Variants in PSD2 observed in about 807,000 individuals in gnomAD.
PSD2 encodes PH and SEC7 domain-containing protein 2.
Under a neutral mutation model 69.8 loss-of-function variants are expected in PSD2, and 38 were observed. That is an observed-to-expected ratio of 0.54 (90% CI 0.42 to 0.71). PSD2 has a LOEUF of 0.71. Ranked by LOEUF, PSD2 falls within the 30% of genes least tolerant of loss-of-function variation. PSD2 has a pLI of 0.00. For missense variants in PSD2, 943 were observed against 1,014.5 expected (o/e 0.93, Z 0.96); for synonymous variants, 412 against 423.0 (o/e 0.97, Z 0.32).
chr5:139,807,241 C>G (rs925766917), intron 1 of PSD2, among the ~76,000 whole-genome samples: 2 of 152,210 alleles, frequency 1.3e-5, no homozygotes, highest in African/African-American at 4.8e-5. Context: ...GGTTGAAACC[C>G]TGTGCCCCAG....
At chr5:139,812,958 C>T (rs1760009153) in intron 2 of PSD2, among the ~76,000 whole-genome samples, 1 of 152,150 alleles carries the variant, frequency 6.6e-6, no homozygotes, top group South Asian at 2.1e-4. Flanking sequence ...GTTCCATGGC[C>T]ATAAGAGTGT....
intron 13 of PSD2, among the ~76,000 whole-genome samples, 199 bp downstream of exon 13, chr5:139,838,971 G>A (rs982063075): frequency 6.6e-6 from 1 of 152,162 alleles, no homozygotes; most frequent in Non-Finnish European, 1.5e-5. Context: ...GCACACAGGG[G>A]CCACAGCTGT....
At chr5:139,821,469 G>A (rs142030997) in intron 5 of PSD2, among the ~76,000 whole-genome samples, 1 of 152,294 alleles carries the variant, frequency 6.6e-6, no homozygotes, top group East Asian at 1.9e-4. Flanking sequence ...TGGGCCTGGG[G>A]CTCAGCTGGT....
At chr5:139,793,727 A>G (rs1322993262), upstream of PSD2, among the ~76,000 whole-genome samples, 1 of 152,340 alleles carries the variant, frequency 6.6e-6, no homozygotes, top group East Asian at 1.9e-4. Flanking sequence ...GTGGACAACA[A>G]TTAAATAGTG....
At chr5:139,812,721 C>T (rs574047642) in intron 2 of PSD2, among the ~76,000 whole-genome samples, 213 of 152,236 alleles carry the variant, frequency 1.4e-3, no homozygotes, top group Non-Finnish European at 2.4e-3. Flanking sequence ...TGCGTTTGGC[C>T]GAGCTAAGAA....
chr5:139,794,057 G>T (rs1484767105), upstream of PSD2, among the ~76,000 whole-genome samples: 3 of 152,214 alleles, frequency 2.0e-5, no homozygotes, highest in African/African-American at 4.8e-5. Flanking sequence ...ATGCAGGACA[G>T]CAGGGAAGCC....
At chr5:139,789,948 C>T in the PSD2 span, among the ~76,000 whole-genome samples, 4 of 151,842 alleles carry the variant, frequency 2.6e-5, no homozygotes, top group Admixed American at 2.0e-4. Flanking sequence ...GTGGGCGGTG[C>T]GGATACCTGG....
At chr5:139,762,111 C>T in the PSD2 span, among the ~76,000 whole-genome samples, 164 of 141,824 alleles carry the variant, frequency 1.2e-3, 5 homozygotes, top group South Asian at 0.035. Flanking sequence ...GGCGTAATCT[C>T]GGCTCACTGT....
At chr5:139,823,147 C>T (rs150458001) in intron 7 of PSD2, among the ~76,000 whole-genome samples, 171 of 152,358 alleles carry the variant, frequency 1.1e-3, no homozygotes, top group Admixed American at 2.2e-3. Context: ...AAATCCCCGG[C>T]CCCTACCAGG....
In PSD2 at chr5:139,822,665, G is replaced by C. The variant is rs897561061; in HGVS notation, c.1211-61G>C. 5.4e-6 allele frequency: 8 copies of C among 1,478,340 alleles called. No homozygotes were observed. In the African/African-American group the frequency reaches 8.5e-5, roughly 16 times the overall value. The allele number at this position is 1,478,340 out of a possible 1,614,324, so 91.6% of individuals were successfully genotyped here. On this transcript the variant is annotated intron_variant, in intron 6 of 14. Transcript: ENST00000274710. ...AAGGTCTCCTGACGGGTTCCGTCAG[G>C]AGACAGGGAGTGGGAAGAGGTTGGA...
chr5:139,802,049 A>C (rs764339501), intron 1 of PSD2, among the ~76,000 whole-genome samples: 2 of 152,050 alleles, frequency 1.3e-5, no homozygotes, highest in Non-Finnish European at 2.9e-5. Context: ...TATTTTCATC[A>C]AGGAGGCCAC....
At position 139,809,635 on chromosome 5, in the gene PSD2, T is replaced by C. The variant is rs1561595151; in HGVS notation, c.195T>C (p.Asp65=). 6.2e-7 allele frequency: 1 copy of C among 1,614,260 alleles called. No homozygotes were observed. Among genetic ancestry groups the C allele is most frequent in the Non-Finnish European group, 8.5e-7 (1 of 1,180,038 alleles). The change falls in exon 2 of 15, where the codon GAT becomes GAC. Residue 65 remains aspartate (D), a synonymous_variant. Coordinates refer to ENST00000274710, the MANE Select transcript of PSD2 (RefSeq NM_032289.4). ...CTGAGGAACCCACGAAGGACCCAGA[T>C]GTGGCCTTCCATGGCCTCAGCCTTG... is the stretch of plus-strand genomic sequence containing the variant. ...ADTEEPTKDP[D]VAFHGLSLGL... is the part of the protein sequence containing the mutation.
At chr5:139,792,073 T>C (rs1199556115), upstream of PSD2, among the ~76,000 whole-genome samples, 1 of 142,746 alleles carries the variant, frequency 7.0e-6, no homozygotes, top group Non-Finnish European at 1.5e-5. Flanking sequence ...GGAATGAGTG[T>C]GGGAGGGGTC....
chr5:139,818,709 A>G (rs1207760378), intron 5 of PSD2, among the ~76,000 whole-genome samples: 1 of 152,066 alleles, frequency 6.6e-6, no homozygotes, highest in African/African-American at 2.4e-5. Flanking sequence ...TGAGGTTGCA[A>G]TTTTCTGAAT....
chr5:139,801,408 C>A (rs562643834), intron 1 of PSD2, among the ~76,000 whole-genome samples: 1 of 152,304 alleles, frequency 6.6e-6, no homozygotes, highest in South Asian at 2.1e-4. Context: ...TTATTGGCAG[C>A]ATTTGACACA....
the PSD2 span, among the ~76,000 whole-genome samples, chr5:139,764,129 C>T: frequency 7.2e-5 from 11 of 152,162 alleles, no homozygotes; most frequent in Non-Finnish European, 4.4e-5. Flanking sequence ...GGGCTGAGCA[C>T]ACAGTCAGCG....
the PSD2 span, among the ~76,000 whole-genome samples, chr5:139,770,520 C>G: frequency 2.6e-3 from 389 of 152,146 alleles, 1 homozygote; most frequent in African/African-American, 8.6e-3. Context: ...GAGCTGAGAT[C>G]GCGGCACTAC....
At chr5:139,747,270 A>G in the PSD2 span, among the ~76,000 whole-genome samples, 3 of 150,448 alleles carry the variant, frequency 2.0e-5, no homozygotes, top group African/African-American at 7.4e-5. The surrounding 1 kb of genome is among the most constrained non-coding windows in gnomAD (Gnocchi z 6.7). Flanking sequence ...CCCCCCGCAC[A>G]CACACACACC....
intron 7 of PSD2, among the ~76,000 whole-genome samples, chr5:139,828,742 G>T (rs1240108040): frequency 6.6e-6 from 1 of 152,202 alleles, no homozygotes; most frequent in Non-Finnish European, 1.5e-5. Flanking sequence ...AATCAGACTT[G>T]TGGGAAAAGG....
Sources: allele counts gnomAD v4.1 joint callset (sites outside exome capture counted in the v4.1 genomes callset), GRCh38; gene constraint gnomAD v4.1.1; non-coding constraint Gnocchi (gnomAD v3.1); transcripts MANE v1.5; gene names NCBI Gene and HGNC (gene_info 2026-07-23, HGNC 2026-07-21).